The following IMMP2L variants were observed in gnomAD, a reference collection of about 807,000 sequenced individuals.
The protein encoded by IMMP2L is inner mitochondrial membrane peptidase subunit 2.
In IMMP2L, 18 loss-of-function variants were observed where a neutral mutation model predicts 19.3. The observed-to-expected ratio is 0.93, with a 90% CI of 0.64 to 1.38. The LOEUF is 1.38. IMMP2L is among the 40% of genes most tolerant of loss of function. The probability of loss-of-function intolerance (pLI) is 0.00; values close to 1 mark genes in which losing one functional copy is unlikely to be tolerated. For missense variants in IMMP2L, 233 were observed against 218.2 expected (o/e 1.07, Z -0.43); for synonymous variants, 76 against 73.0 (o/e 1.04, Z -0.21).
chr7:110,699,620 A>C (rs1794120695), intron 5 of IMMP2L, among the ~76,000 whole-genome samples: 1 of 151,986 alleles, frequency 6.6e-6, no homozygotes, highest in African/African-American at 2.4e-5. Context: ...AAAATACAAA[A>C]ATTAGCTGGG....
At chr7:110,920,711 T>C (rs1449059953) in intron 4 of IMMP2L, among the ~76,000 whole-genome samples, 1 of 152,196 alleles carries the variant, frequency 6.6e-6, no homozygotes, top group East Asian at 1.9e-4. Context: ...CACTATGGGG[T>C]ATGTCCCAAT....
chr7:110,956,923 G>A (rs1275350582), intron 4 of IMMP2L, among the ~76,000 whole-genome samples: 2 of 151,682 alleles, frequency 1.3e-5, no homozygotes, highest in African/African-American at 2.4e-5. Flanking sequence ...TTCATTTTAT[G>A]GTTTTCTAAA....
intron 3 of IMMP2L, among the ~76,000 whole-genome samples, chr7:111,455,211 C>A (rs1035585503): frequency 6.6e-6 from 1 of 151,392 alleles, no homozygotes; most frequent in African/African-American, 2.4e-5. Context: ...GGCTATTAAC[C>A]AGTTTTGCGT....
intron 3 of IMMP2L, among the ~76,000 whole-genome samples, chr7:111,175,021 A>G (rs2129609810): frequency 6.6e-6 from 1 of 151,952 alleles, no homozygotes; most frequent in South Asian, 2.1e-4. Flanking sequence ...CACATACTGA[A>G]CTCTATTAAA....
At chr7:111,472,622 G>T (rs1284088564) in intron 3 of IMMP2L, among the ~76,000 whole-genome samples, 1 of 152,074 alleles carries the variant, frequency 6.6e-6, no homozygotes, top group Admixed American at 6.5e-5. Flanking sequence ...ATGTATTTAT[G>T]CTTTTCATTA....
chr7:111,031,525 T>C (rs769051328), intron 3 of IMMP2L, among the ~76,000 whole-genome samples: 9 of 151,666 alleles, frequency 5.9e-5, no homozygotes, highest in Non-Finnish European at 1.3e-4. Context: ...TAAAAACATA[T>C]CGGATTATAA....
At chr7:110,732,226 T>C (rs1196688289) in intron 5 of IMMP2L, among the ~76,000 whole-genome samples, 1 of 152,214 alleles carries the variant, frequency 6.6e-6, no homozygotes, top group African/African-American at 2.4e-5. Flanking sequence ...AAAGGACTTA[T>C]GAGCTAATAC....
intron 4 of IMMP2L, among the ~76,000 whole-genome samples, chr7:110,940,485 C>A (rs1230511381): frequency 2.6e-5 from 4 of 152,066 alleles, no homozygotes; most frequent in African/African-American, 9.7e-5. Flanking sequence ...AGCCACCCAA[C>A]AGAATGAAGG....
intron 3 of IMMP2L, among the ~76,000 whole-genome samples, chr7:111,027,998 G>A (rs1412786081): frequency 1.3e-5 from 2 of 151,968 alleles, no homozygotes; most frequent in Non-Finnish European, 2.9e-5. Context: ...AAATTCATGG[G>A]TTAAAAATAA....
intron 3 of IMMP2L, among the ~76,000 whole-genome samples, chr7:111,035,390 CAAAT>C (rs937096789): frequency 1.3e-5 from 2 of 152,106 alleles, no homozygotes; most frequent in African/African-American, 4.8e-5. Flanking sequence ...ACTCTAAACA[CAAAT>C]ATGGACAACA....
rs10232632 is a variant in IMMP2L at position 111,182,058 on chromosome 7, A to C, written c.240-218493T>G. 9.5e-3 allele frequency among the ~76,000 whole-genome samples: 1,440 copies of C among 152,186 alleles called. 26 individuals carry two copies. The highest frequency in any genetic ancestry group is 0.032 in the African/African-American group (1,336 of 41,538). ...AATAAAAAACATAAAAAGAGGTTTT[A>C]AAATGATCTTTCCTAAGTGTCAGAA... is the stretch of plus-strand genomic sequence containing the variant. On this transcript the variant is annotated intron_variant, in intron 3 of 5. Transcript: ENST00000405709.
At chr7:111,258,846 T>A (rs1454924849) in intron 3 of IMMP2L, among the ~76,000 whole-genome samples, 2 of 152,114 alleles carry the variant, frequency 1.3e-5, no homozygotes, top group African/African-American at 4.8e-5. Context: ...AAAACTACAC[T>A]TTTCAGTACT....
chr7:110,669,079 GTGTGTGTGTGTA>G (rs1562903292), intron 5 of IMMP2L, among the ~76,000 whole-genome samples: 156 of 84,794 alleles, frequency 1.8e-3, no homozygotes, highest in Non-Finnish European at 2.7e-3. Context: ...GTGTGTGTGT[GTGTGTGTGTGTA>G]TATGTATATA....
At chr7:110,936,752 CAT>C (rs143717147) in intron 4 of IMMP2L, among the ~76,000 whole-genome samples, 2,584 of 152,192 alleles carry the variant, frequency 0.017, 69 homozygotes, top group African/African-American at 0.059. Context: ...CATGCACACA[CAT>C]GTTTATTACA....
At chr7:111,272,231 A>G (rs970724102) in intron 3 of IMMP2L, among the ~76,000 whole-genome samples, 1 of 152,050 alleles carries the variant, frequency 6.6e-6, no homozygotes. Context: ...CCACCTAACT[A>G]TGCTGGCCTT....
intron 3 of IMMP2L, among the ~76,000 whole-genome samples, chr7:111,055,938 G>A (rs1793471863): frequency 6.6e-6 from 1 of 152,154 alleles, no homozygotes. Context: ...GACATACTTA[G>A]GCTAGTGCTT....
At chr7:111,450,949 A>G (rs1839091774) in intron 3 of IMMP2L, among the ~76,000 whole-genome samples, 1 of 151,688 alleles carries the variant, frequency 6.6e-6, no homozygotes, top group South Asian at 2.1e-4. Flanking sequence ...GCCAAAAAAC[A>G]CATGAAAAAA....
chr7:110,838,870 GGATGATCT>G (rs1160423417), intron 5 of IMMP2L, among the ~76,000 whole-genome samples: 1 of 151,900 alleles, frequency 6.6e-6, no homozygotes, highest in African/African-American at 2.4e-5. Context: ...TATATCATAA[GGATGATCT>G]CTGACTGCCA....
chr7:110,770,946 A>G (rs955406419), intron 5 of IMMP2L, among the ~76,000 whole-genome samples: 1 of 152,258 alleles, frequency 6.6e-6, no homozygotes, highest in South Asian at 2.1e-4. Flanking sequence ...TGGGATTTAC[A>G]TAGCACTTGC....
Sources: gnomAD v4.1 joint callset for allele counts (sites outside exome capture counted in the v4.1 genomes callset) on GRCh38, gnomAD v4.1.1 for gene constraint, MANE v1.5 for transcripts, NCBI Gene and HGNC (gene_info 2026-07-23, HGNC 2026-07-21) for gene names.